DAB1: variants seen among roughly 807,000 people sequenced by gnomAD.
The protein encoded by DAB1 is disabled homolog 1.
Under a neutral mutation model 64.6 loss-of-function variants are expected in DAB1, and 15 were observed. The ratio of observed to expected loss-of-function variants is 0.23; its 90% CI spans 0.16 to 0.36. The LOEUF (loss-of-function observed/expected upper bound fraction) is 0.36. Ranked by LOEUF, DAB1 falls within the 10% of genes least tolerant of loss-of-function variation. The probability of loss-of-function intolerance (pLI) is 1.00; values close to 1 mark genes in which losing one functional copy is unlikely to be tolerated. For missense variants in DAB1, 596 were observed against 706.7 expected, an observed-to-expected ratio of 0.84 and a Z score of 1.78; for synonymous variants, 235 against 251.9, an observed-to-expected ratio of 0.93 and a Z score of 0.64.
chr1:58,247,568 C>T (rs963991634), intron 4 of DAB1, among the ~76,000 whole-genome samples: 1 of 152,160 alleles, frequency 6.6e-6, no homozygotes, highest in African/African-American at 2.4e-5. Flanking sequence ...GTGTATTTCA[C>T]AAATAATTGT....
chr1:57,114,137 C>T (rs977003868), intron 4 of DAB1, among the ~76,000 whole-genome samples: 8 of 152,208 alleles, frequency 5.3e-5, no homozygotes, highest in Non-Finnish European at 1.2e-4. Context: ...ATGTTCTCAT[C>T]TGCATCCCCA....
intron 2 of DAB1, among the ~76,000 whole-genome samples, chr1:58,520,967 T>A (rs928364959): frequency 1.3e-5 from 2 of 152,014 alleles, no homozygotes; most frequent in African/African-American, 4.8e-5. Flanking sequence ...AAAACTGACA[T>A]CCACAGAACA....
intron 7 of DAB1, among the ~76,000 whole-genome samples, chr1:57,472,908 G>A (rs1687193148): frequency 6.6e-6 from 1 of 152,136 alleles, no homozygotes; most frequent in South Asian, 2.1e-4. Context: ...AGCAAAAAAT[G>A]CACTAAAATC....
intron 3 of DAB1, among the ~76,000 whole-genome samples, chr1:58,442,281 C>A (rs1304023482): frequency 2.6e-5 from 4 of 152,200 alleles, no homozygotes; most frequent in Non-Finnish European, 5.9e-5. Flanking sequence ...CCTGAATGGA[C>A]CTGGAGGCTG....
At chr1:57,344,804 T>C (rs750320647) in intron 1 of DAB1, among the ~76,000 whole-genome samples, 2 of 151,936 alleles carry the variant, frequency 1.3e-5, no homozygotes, top group Non-Finnish European at 2.9e-5. Flanking sequence ...TGGCCTAGAG[T>C]GAGTTACCTA....
intron 1 of DAB1, among the ~76,000 whole-genome samples, chr1:57,317,604 C>T (rs1675324366): frequency 6.6e-6 from 1 of 152,106 alleles, no homozygotes; most frequent in Admixed American, 6.5e-5. Context: ...TTTGCTGAAT[C>T]CTCAAGCATT....
chr1:57,936,666 G>A (rs1385210403), intron 5 of DAB1, among the ~76,000 whole-genome samples: 1 of 152,064 alleles, frequency 6.6e-6, no homozygotes, highest in African/African-American at 2.4e-5. Context: ...GCCTCCCAAA[G>A]TGCTGGCATC....
chr1:58,473,443 G>A (rs1020742761), intron 3 of DAB1, among the ~76,000 whole-genome samples: 2 of 152,024 alleles, frequency 1.3e-5, no homozygotes, highest in Non-Finnish European at 2.9e-5. Flanking sequence ...TCGGGAGGCT[G>A]AGGCAGGAGA....
intron 5 of DAB1, among the ~76,000 whole-genome samples, chr1:57,994,851 A>G (rs1459573555): frequency 6.6e-6 from 1 of 152,190 alleles, no homozygotes; most frequent in African/African-American, 2.4e-5. Context: ...TTTGAAAGCA[A>G]CTATTAACAA....
At chr1:57,608,892 T>C (rs1175196002) in intron 7 of DAB1, among the ~76,000 whole-genome samples, 5 of 152,216 alleles carry the variant, frequency 3.3e-5, no homozygotes, top group South Asian at 2.1e-4. Flanking sequence ...ATCTGTCAAA[T>C]AGGGGAAATC....
chr1:57,610,609 G>A (rs1301975779), intron 7 of DAB1, among the ~76,000 whole-genome samples: 3 of 152,154 alleles, frequency 2.0e-5, no homozygotes. Flanking sequence ...AGGTTTAATT[G>A]ACTCACATGG....
intron 2 of DAB1, among the ~76,000 whole-genome samples, chr1:57,233,047 A>C (rs937688921): frequency 6.6e-6 from 1 of 151,972 alleles, no homozygotes; most frequent in Non-Finnish European, 1.5e-5. Flanking sequence ...GAGAAAGGGA[A>C]ACTGTTTTTA....
chr1:58,340,982 A>C (rs1643925071), intron 4 of DAB1, among the ~76,000 whole-genome samples: 1 of 152,206 alleles, frequency 6.6e-6, no homozygotes, highest in African/African-American at 2.4e-5. Flanking sequence ...CTTGAGGGCT[A>C]TGCTGGTAGA....
At chr1:57,079,043 T>C (rs999471608) in intron 4 of DAB1, among the ~76,000 whole-genome samples, 4 of 152,168 alleles carry the variant, frequency 2.6e-5, no homozygotes, top group Non-Finnish European at 5.9e-5. Context: ...TTTGAAGATA[T>C]ATTCACAACA....
chr1:58,190,293 T>G (rs1012024616), intron 4 of DAB1, among the ~76,000 whole-genome samples: 1 of 152,198 alleles, frequency 6.6e-6, no homozygotes, highest in Admixed American at 6.5e-5. Flanking sequence ...CCTGACTGAC[T>G]GTACTCCACC....
intron 3 of DAB1, among the ~76,000 whole-genome samples, chr1:58,487,991 A>G (rs763410875): frequency 6.6e-6 from 1 of 152,084 alleles, no homozygotes; most frequent in Non-Finnish European, 1.5e-5. Flanking sequence ...AGAATCAACT[A>G]CTGTCATTTT....
chr1:58,025,649 G>GTATATATA (rs1395128282), intron 5 of DAB1, among the ~76,000 whole-genome samples: 90 of 115,032 alleles, frequency 7.8e-4, no homozygotes, highest in African/African-American at 3.1e-3. Context: ...ATATATATGT[G>GTATATATA]TGTATATATA....
chr1:57,902,023 T>A (rs1202757953), intron 5 of DAB1, among the ~76,000 whole-genome samples: 1 of 151,860 alleles, frequency 6.6e-6, no homozygotes, highest in South Asian at 2.1e-4. Flanking sequence ...GGCATGGTAG[T>A]GCACATCTGT....
intron 5 of DAB1, among the ~76,000 whole-genome samples, chr1:58,088,471 T>A (rs1650451553): frequency 3.9e-5 from 6 of 152,198 alleles, no homozygotes; most frequent in Admixed American, 3.9e-4. Context: ...GGAGCACTAT[T>A]CATATCTTCT....
Sources: gnomAD v4.1 joint callset for allele counts (sites outside exome capture counted in the v4.1 genomes callset) on GRCh38, gnomAD v4.1.1 for gene constraint, MANE v1.5 for transcripts, NCBI Gene and HGNC (gene_info 2026-07-23, HGNC 2026-07-21) for gene names.